Variants in HHLA2 observed in about 807,000 individuals in gnomAD.
HHLA2 encodes HERV-H LTR-associating protein 2.
In HHLA2, 48 loss-of-function variants were observed where a neutral mutation model predicts 45.9. The observed-to-expected ratio is 1.05, with a 90% CI of 0.83 to 1.33. The LOEUF is 1.33. Ranked by LOEUF, HHLA2 falls within the 40% of genes most tolerant of loss-of-function variation. The probability of loss-of-function intolerance (pLI) is 0.00; values close to 1 mark genes in which losing one functional copy is unlikely to be tolerated. For synonymous variants in HHLA2, 161 were observed against 173.9 expected, an observed-to-expected ratio of 0.93 and a Z score of 0.59; for missense variants, 462 against 494.3, an observed-to-expected ratio of 0.93 and a Z score of 0.62.
At chr3:108,362,430 C>G in exon 8 of HHLA2, 2 of 1,607,460 alleles carry the variant, frequency 1.2e-6, no homozygotes, top group East Asian at 2.2e-5. Context: ...TGATTTGGAG[C>G]GTAAAATGTT....
In HHLA2 at chr3:108,371,379, T is replaced by C. The variant is rs932259200; in HGVS notation, c.1109-4371T>C. On this transcript the variant is annotated intron_variant, in intron 8 of 10. Coordinates refer to ENST00000619531, the Ensembl canonical transcript of HHLA2. Reference sequence around the variant, plus strand: ...CCAGCCACTGCAAAAACAGGCCAAATTGTAAAGACCATCGAGGCTAGGAAG... The same window carrying C: ...CCAGCCACTGCAAAAACAGGCCAAACTGTAAAGACCATCGAGGCTAGGAAG... Among the ~76,000 whole-genome samples the C allele has an allele frequency of 2.0e-3, 307 of 152,142 alleles. 1 individual carries two copies. The highest frequency in any genetic ancestry group is 7.1e-3 in the African/African-American group (293 of 41,526).
intron 8 of HHLA2, among the ~76,000 whole-genome samples, chr3:108,364,209 G>T (rs896344648): frequency 6.6e-6 from 1 of 152,078 alleles, no homozygotes; most frequent in African/African-American, 2.4e-5. Context: ...TGATCTCATT[G>T]TTCAATTCCC....
At chr3:108,326,169 G>T in intron 2 of HHLA2, 2 of 239,224 alleles carry the variant, frequency 8.4e-6, no homozygotes, top group East Asian at 1.1e-4. Flanking sequence ...GGTCTCTGAA[G>T]TTCTTCATTT....
intron 8 of HHLA2, among the ~76,000 whole-genome samples, chr3:108,369,822 A>C (rs1265889089): frequency 6.6e-6 from 1 of 152,206 alleles, no homozygotes; most frequent in East Asian, 1.9e-4. Flanking sequence ...AGGAAGCTCG[A>C]ACTGGGTGGA....
chr3:108,360,945 A>AT (rs1249727996), intron 7 of HHLA2, among the ~76,000 whole-genome samples: 2 of 152,188 alleles, frequency 1.3e-5, no homozygotes, highest in Non-Finnish European at 1.5e-5. Flanking sequence ...AAAAAGAGGT[A>AT]TTCATTCTAA....
intron 2 of HHLA2, among the ~76,000 whole-genome samples, chr3:108,312,212 T>C (rs993129915): frequency 6.6e-6 from 1 of 152,264 alleles, no homozygotes; most frequent in African/African-American, 2.4e-5. Context: ...TCCAGCCTTA[T>C]GGGTTATAGC....
intron 2 of HHLA2, chr3:108,328,169 T>C: frequency 1.8e-6 from 1 of 541,290 alleles, no homozygotes; most frequent in Non-Finnish European, 3.0e-6. Context: ...AATTTTCAGT[T>C]TGGTATAATA....
At chr3:108,305,468 C>T (rs1299229320) in intron 1 of HHLA2, among the ~76,000 whole-genome samples, 1 of 152,180 alleles carries the variant, frequency 6.6e-6, no homozygotes, top group East Asian at 1.9e-4. Flanking sequence ...TTCATCTGCC[C>T]AGATCTAGTC....
Position 108,376,712 on chromosome 3 carries a change from T to C in HHLA2, c.1224+155T>C, listed in dbSNP as rs9819274. On this transcript the variant is annotated intron_variant, in intron 10 of 10. Coordinates refer to ENST00000619531, the Ensembl canonical transcript of HHLA2. ...TTGCAGGATAATATAGCACGAAAAA[T>C]ATAATTAGGCTTTTCCCAATGTCTA... is the stretch of plus-strand genomic sequence containing the variant. 1,733 of 566,618 alleles carry C rather than the reference T, an allele frequency of 3.1e-3. 22 individuals carry two copies. Among genetic ancestry groups the C allele is most frequent in the African/African-American group, 0.029 (1,539 of 52,178 alleles). 35.1% of individuals were successfully genotyped at this position (566,618 alleles called of 1,614,324 possible).
At chr3:108,332,526 A>G (rs994296774) in intron 3 of HHLA2, among the ~76,000 whole-genome samples, 2 of 152,200 alleles carry the variant, frequency 1.3e-5, no homozygotes, top group African/African-American at 4.8e-5. Flanking sequence ...TCTGATTATT[A>G]TAACAGAGTC....
At chr3:108,354,402 CTG>C (rs1033134976) in intron 5 of HHLA2, among the ~76,000 whole-genome samples, 2 of 151,488 alleles carry the variant, frequency 1.3e-5, no homozygotes, top group African/African-American at 4.8e-5. Flanking sequence ...AATATATTAA[CTG>C]TTGCTAATTC....
chr3:108,338,391 C>T (rs1490578824), intron 3 of HHLA2, among the ~76,000 whole-genome samples: 2 of 151,964 alleles, frequency 1.3e-5, no homozygotes, highest in African/African-American at 4.8e-5. Context: ...CATAGAATAG[C>T]AGGTTACTGG....
intron 8 of HHLA2, among the ~76,000 whole-genome samples, chr3:108,366,081 C>A (rs1158475226): frequency 2.0e-5 from 3 of 152,180 alleles, no homozygotes; most frequent in Non-Finnish European, 4.4e-5. Context: ...ATGCTTCCAG[C>A]TTTTGCCCAT....
At chr3:108,370,775 G>GAAAA (rs1420700807) in intron 8 of HHLA2, among the ~76,000 whole-genome samples, 2 of 152,112 alleles carry the variant, frequency 1.3e-5, no homozygotes, top group Non-Finnish European at 2.9e-5. Context: ...GAAGTTTAGA[G>GAAAA]AAAAAAGAAT....
chr3:108,352,137 A>G (rs1432523377), intron 4 of HHLA2, among the ~76,000 whole-genome samples: 2 of 77,434 alleles, frequency 2.6e-5, no homozygotes, highest in African/African-American at 5.5e-5. Flanking sequence ...GGCAAGTTTG[A>G]TTGATTGATT....
intron 3 of HHLA2, among the ~76,000 whole-genome samples, chr3:108,329,543 A>G (rs975988534): frequency 6.6e-6 from 1 of 152,188 alleles, no homozygotes; most frequent in African/African-American, 2.4e-5. Flanking sequence ...GGGTCTAAAT[A>G]TACTTCAAAG....
chr3:108,351,419 G>A (rs1173389430), intron 3 of HHLA2, among the ~76,000 whole-genome samples: 1 of 152,158 alleles, frequency 6.6e-6, no homozygotes, highest in Non-Finnish European at 1.5e-5. Context: ...AACCACTGTT[G>A]CAGATATACT....
At chr3:108,313,548 G>A (rs1404606909) in intron 2 of HHLA2, among the ~76,000 whole-genome samples, 1 of 152,178 alleles carries the variant, frequency 6.6e-6, no homozygotes, top group Non-Finnish European at 1.5e-5. Context: ...TTCCTGTGGT[G>A]CTCTCAATCT....
rs67374827 is a variant in HHLA2, at chr3:108,321,091, T to TAAAAAAAAAAAAAAAAAAAAAAAAA, written c.-104-7158_-104-7157insAAAAAAAAAAAAAAAAAAAAAAAAA. Among the ~76,000 whole-genome samples the TAAAAAAAAAAAAAAAAAAAAAAAAA allele has an allele frequency of 5.9e-4, 60 of 101,396 alleles. 5 individuals carry two copies. The highest frequency in any genetic ancestry group is 9.3e-4 in the Non-Finnish European group (46 of 49,576). The allele number at this position is 101,396 out of a possible 152,430, so 66.5% of individuals were successfully genotyped here. A position where few individuals can be genotyped will look rare whatever the true frequency, so the allele number is the denominator to read the frequency against. ...TCACCAGAACATTTCTCCAGGTGTT[T>TAAAAAAAAAAAAAAAAAAAAAAAAA]AAAAAAAAAAAAAAAAAAAAAGACT... On this transcript the variant is annotated intron_variant, in intron 2 of 10. Transcript: ENST00000619531.
Sources: allele counts gnomAD v4.1 joint callset (sites outside exome capture counted in the v4.1 genomes callset), GRCh38; gene constraint gnomAD v4.1.1; transcripts MANE v1.5; gene names NCBI Gene and HGNC (gene_info 2026-07-23, HGNC 2026-07-21).